UBE2E2: variants seen among roughly 807,000 people sequenced by gnomAD.
The protein encoded by UBE2E2 is ubiquitin-conjugating enzyme E2 E2.
A neutral mutation model predicts 24.7 loss-of-function variants in UBE2E2; 6 were observed. The ratio of observed to expected loss-of-function variants is 0.24; its 90% CI spans 0.13 to 0.48. The LOEUF (loss-of-function observed/expected upper bound fraction) is 0.48, where lower values mean the gene tolerates loss of function less well. Among genes scored for constraint, UBE2E2 ranks in the 20% least tolerant of loss-of-function variants. The pLI is 0.99. For missense variants in UBE2E2, 169 were observed against 245.0 expected, an observed-to-expected ratio of 0.69 and a Z score of 2.07; for synonymous variants, 104 against 83.6, an observed-to-expected ratio of 1.24 and a Z score of -1.33.
intron 3 of UBE2E2, among the ~76,000 whole-genome samples, chr3:23,463,940 T>C (rs1026570340): frequency 6.6e-6 from 1 of 152,198 alleles, no homozygotes; most frequent in African/African-American, 2.4e-5. Flanking sequence ...ATAATGTTCT[T>C]AAATGTTCAA....
At chr3:23,268,722 C>CA (rs1368508469) in intron 3 of UBE2E2, among the ~76,000 whole-genome samples, 1 of 148,908 alleles carries the variant, frequency 6.7e-6, no homozygotes, top group Non-Finnish European at 1.5e-5. Context: ...CATATGGAAC[C>CA]AAAAAAGAGC....
At chr3:23,568,742 T>TGTATAC (rs1696150615) in intron 5 of UBE2E2, among the ~76,000 whole-genome samples, 3 of 145,258 alleles carry the variant, frequency 2.1e-5, no homozygotes, top group Admixed American at 6.9e-5. Flanking sequence ...TACATATATA[T>TGTATAC]ATATATATGT....
chr3:23,521,276 T>A (rs1302611120), intron 4 of UBE2E2, among the ~76,000 whole-genome samples: 1 of 152,212 alleles, frequency 6.6e-6, no homozygotes, highest in East Asian at 1.9e-4. Flanking sequence ...AAGGAGGACA[T>A]TCTCCTTCTG....
At position 23,468,241 on chromosome 3, in the gene UBE2E2, A is replaced by G. The variant is rs927027285; in HGVS notation, c.228-31367A>G. On this transcript the variant is annotated intron_variant, in intron 3 of 5. Coordinates refer to ENST00000396703, the MANE Select transcript of UBE2E2 (RefSeq NM_152653.4). ...TATTTCCCCCTTTATTTCAGTCTTTACTGTTGTTTTCTCTGGACTTTCAAT... is the reference window on the plus strand; with the variant it reads ...TATTTCCCCCTTTATTTCAGTCTTTGCTGTTGTTTTCTCTGGACTTTCAAT... Among the ~76,000 whole-genome samples the G allele has an allele frequency of 2.6e-5, 4 of 151,944 alleles. No individual in the cohort carries two copies. The East Asian group carries it at 7.7e-4, about 29-fold the overall frequency.
chr3:23,213,871 G>A (rs1474143276), intron 2 of UBE2E2, among the ~76,000 whole-genome samples: 1 of 152,124 alleles, frequency 6.6e-6, no homozygotes, highest in Non-Finnish European at 1.5e-5. Context: ...TAGACTGTAA[G>A]TGTGAATTAT....
chr3:23,517,594 GA>G, intron 4 of UBE2E2, among the ~76,000 whole-genome samples: 1 of 152,212 alleles, frequency 6.6e-6, no homozygotes. Flanking sequence ...TCCTAGAGGG[GA>G]TAAAAATCAG....
chr3:23,436,082 A>T (rs1201323238), intron 3 of UBE2E2, among the ~76,000 whole-genome samples: 1 of 152,016 alleles, frequency 6.6e-6, no homozygotes, highest in Admixed American at 6.5e-5. Flanking sequence ...TCAGGCAACA[A>T]TGCTTGCTCC....
At chr3:23,459,041 G>A (rs1248565614) in intron 3 of UBE2E2, among the ~76,000 whole-genome samples, 5 of 152,080 alleles carry the variant, frequency 3.3e-5, no homozygotes, top group South Asian at 4.1e-4. Flanking sequence ...TTACAAATGG[G>A]TTTGAACTAG....
intron 4 of UBE2E2, among the ~76,000 whole-genome samples, chr3:23,532,019 GCCA>G (rs1187361799): frequency 6.8e-6 from 1 of 147,158 alleles, no homozygotes; most frequent in Admixed American, 6.9e-5. Context: ...CAAAGATCAC[GCCA>G]CTGCACTCCA....
In UBE2E2 at chr3:23,374,677, C is replaced by G. The variant is rs149458592; in HGVS notation, c.228-124931C>G. ...AATCATTATCTTCCTACTGAAAACA[C>G]CAGCCTGCTAACTACACCACAGTAT... On this transcript the variant is annotated intron_variant, in intron 3 of 5. Coordinates refer to ENST00000396703, the MANE Select transcript of UBE2E2 (RefSeq NM_152653.4). Among the ~76,000 whole-genome samples the G allele has an allele frequency of 5.1e-3, 776 of 152,334 alleles. 9 individuals are homozygous for G. The highest frequency in any genetic ancestry group is 0.018 in the African/African-American group (739 of 41,574).
intron 4 of UBE2E2, 125 bp downstream of exon 4, chr3:23,499,865 T>C (rs1699682250): frequency 1.7e-6 from 2 of 1,173,354 alleles, no homozygotes; most frequent in Admixed American, 3.2e-5. Flanking sequence ...CTTCCCAGGA[T>C]TGATAGTGTA....
At chr3:23,451,567 A>G (rs1698562996) in intron 3 of UBE2E2, among the ~76,000 whole-genome samples, 1 of 152,190 alleles carries the variant, frequency 6.6e-6, no homozygotes, top group South Asian at 2.1e-4. Context: ...TTGATTATGT[A>G]ATGTAAGATT....
chr3:23,452,608 A>G (rs1698590434), intron 3 of UBE2E2, among the ~76,000 whole-genome samples: 1 of 152,200 alleles, frequency 6.6e-6, no homozygotes, highest in Non-Finnish European at 1.5e-5. Flanking sequence ...CCTAGTTATA[A>G]TCTTTATTAG....
chr3:23,561,864 C>T (rs1364685186), intron 5 of UBE2E2, among the ~76,000 whole-genome samples: 1 of 152,076 alleles, frequency 6.6e-6, no homozygotes, highest in Admixed American at 6.6e-5. Flanking sequence ...CATGATTTGG[C>T]TCTCTGTCTG....
intron 4 of UBE2E2, among the ~76,000 whole-genome samples, chr3:23,511,992 A>G (rs1694604498): frequency 6.6e-6 from 1 of 152,112 alleles, no homozygotes; most frequent in Admixed American, 6.5e-5. Flanking sequence ...TTCAGTTTTA[A>G]TCGAACTAAA....
At chr3:23,292,213 G>A (rs1016242944) in intron 3 of UBE2E2, among the ~76,000 whole-genome samples, 2 of 152,106 alleles carry the variant, frequency 1.3e-5, no homozygotes, top group African/African-American at 4.8e-5. Context: ...CTCGGCTCAA[G>A]CAGTCTTCTT....
In UBE2E2 at chr3:23,591,314, TATAAG is replaced by T. The variant is rs1696757348; in HGVS notation, c.*1484_*1488del. On this transcript the variant is annotated 3_prime_UTR_variant, in exon 6 of 6. Coordinates refer to ENST00000396703, the MANE Select transcript of UBE2E2 (RefSeq NM_152653.4). ...ACCTTCACTGCTGAAAAGCAGGATT[TATAAG>T]CATAAGTCATCCACCTCTAAATATT... 6.6e-6 allele frequency: 1 copy of T among 152,212 alleles called. No individual in the cohort carries two copies. Among genetic ancestry groups the T allele is most frequent in the African/African-American group, 2.4e-5 (1 of 41,452 alleles). The allele number at this position is 152,212 out of a possible 1,614,324, so 9.4% of individuals were successfully genotyped here. A position where few individuals can be genotyped will look rare whatever the true frequency, so the allele number is the denominator to read the frequency against.
At chr3:23,446,016 TAAAC>T (rs1377375863) in intron 3 of UBE2E2, among the ~76,000 whole-genome samples, 1 of 152,044 alleles carries the variant, frequency 6.6e-6, no homozygotes, top group African/African-American at 2.4e-5. Flanking sequence ...CCCCATTTCT[TAAAC>T]AGAGAAAAAA....
At chr3:23,542,520 G>A (rs569009308) in intron 5 of UBE2E2, among the ~76,000 whole-genome samples, 182 of 152,262 alleles carry the variant, frequency 1.2e-3, no homozygotes, top group African/African-American at 4.2e-3. Context: ...GTTGCATTTG[G>A]GGAACTTAGG....
Sources: allele counts gnomAD v4.1 joint callset (sites outside exome capture counted in the v4.1 genomes callset), GRCh38; gene constraint gnomAD v4.1.1; transcripts MANE v1.5; gene names NCBI Gene and HGNC (gene_info 2026-07-23, HGNC 2026-07-21).